Variants in P2RX7 observed in about 807,000 individuals in gnomAD.
P2RX7 encodes the protein purinergic receptor P2X 7, also known as P2X purinoceptor 7.
P2RX7 carries 62 observed loss-of-function variants against 71.6 expected under a neutral mutation model. That is an observed-to-expected ratio of 0.87 (90% CI 0.71 to 1.07). The LOEUF (loss-of-function observed/expected upper bound fraction) is 1.07, where lower values mean the gene tolerates loss of function less well. Among genes scored for constraint, P2RX7 ranks in the 50% least tolerant of loss-of-function variants. The pLI is 0.00. For missense variants in P2RX7, 686 were observed against 748.5 expected, an observed-to-expected ratio of 0.92 and a Z score of 0.97; for synonymous variants, 299 against 283.3, an observed-to-expected ratio of 1.06 and a Z score of -0.56.
At chr12:121,161,152 C>T (rs1368161806) in intron 4 of P2RX7, among the ~76,000 whole-genome samples, 178 bp downstream of exon 4, 1 of 152,200 alleles carries the variant, frequency 6.6e-6, no homozygotes, top group South Asian at 2.1e-4. Flanking sequence ...CAGCTGCTGA[C>T]TGTAAACATG....
intron 1 of P2RX7, 117 bp downstream of exon 1, chr12:121,133,212 GCT>G: frequency 8.5e-7 from 1 of 1,173,352 alleles, no homozygotes. Flanking sequence ...TCTGAGACGT[GCT>G]CTCACAGCCA....
intron 4 of P2RX7, 67 bp from the exon 5 acceptor site, chr12:121,162,357 C>T (rs1879899620): frequency 2.5e-6 from 4 of 1,593,944 alleles, no homozygotes; most frequent in Admixed American, 1.7e-5. Flanking sequence ...AATGATGTCC[C>T]TCCTGGAGAA....
chr12:121,161,447 G>A (rs1879683413), intron 4 of P2RX7, among the ~76,000 whole-genome samples: 1 of 151,960 alleles, frequency 6.6e-6, no homozygotes, highest in Non-Finnish European at 1.5e-5. Flanking sequence ...ATATCTAAGT[G>A]CAGTGCTATT....
At chr12:121,136,619 G>A (rs1162790541) in intron 1 of P2RX7, among the ~76,000 whole-genome samples, 3 of 150,978 alleles carry the variant, frequency 2.0e-5, no homozygotes, top group African/African-American at 7.3e-5. Context: ...ACTTTGTCTG[G>A]CCTACAATTC....
In P2RX7 at chr12:121,165,305, C is replaced by A. The variant is rs1880772124; in HGVS notation, c.534-52C>A. On this transcript the variant is annotated intron_variant, in intron 5 of 12. Transcript: ENST00000328963. ...GCCTCTGGTCCCACTGGCCCATGGG[C>A]TCCCTCGGTTCCCCCCGTCACTAAT... 39 of 1,436,708 alleles carry A rather than the reference C, an allele frequency of 2.7e-5. 1 individual carries two copies. The South Asian group carries it at 3.8e-4, about 14-fold the overall frequency. The allele number at this position is 1,436,708 out of a possible 1,614,324, so 89.0% of individuals were successfully genotyped here. A position where few individuals can be genotyped will look rare whatever the true frequency, so the allele number is the denominator to read the frequency against.
chr12:121,166,239 G>A (rs1880993812), intron 7 of P2RX7, 52 bp downstream of exon 7: 1 of 1,584,662 alleles, frequency 6.3e-7, no homozygotes, highest in Non-Finnish European at 8.6e-7. Flanking sequence ...TAGGGATGGA[G>A]GATGTCAAAC....
intron 1 of P2RX7, among the ~76,000 whole-genome samples, chr12:121,137,898 C>T (rs1384950138): frequency 6.6e-6 from 1 of 152,172 alleles, no homozygotes; most frequent in Non-Finnish European, 1.5e-5. Context: ...GGAGACAGGG[C>T]CTCGGTTATT....
At chr12:121,161,589 C>T (rs938711228) in intron 4 of P2RX7, among the ~76,000 whole-genome samples, 6 of 151,404 alleles carry the variant, frequency 4.0e-5, no homozygotes, top group African/African-American at 9.7e-5. Context: ...GTCAGGGGTT[C>T]GAGAACAGCC....
chr12:121,141,171 T>C (rs890079739), intron 1 of P2RX7, among the ~76,000 whole-genome samples: 1 of 152,202 alleles, frequency 6.6e-6, no homozygotes, highest in Non-Finnish European at 1.5e-5. Flanking sequence ...CTTTTTTTCA[T>C]GTCTAACACC....
chr12:121,137,623 G>C (rs1006590432), intron 1 of P2RX7, among the ~76,000 whole-genome samples: 1 of 152,208 alleles, frequency 6.6e-6, no homozygotes. Context: ...TGGCCAAATG[G>C]AGTCTCACAG....
chr12:121,172,496 A>T, intron 8 of P2RX7, among the ~76,000 whole-genome samples: 1 of 152,084 alleles, frequency 6.6e-6, no homozygotes, highest in East Asian at 1.9e-4. Flanking sequence ...GTCGGGTGTA[A>T]TGGTTTGCAC....
chr12:121,155,231 C>G, intron 2 of P2RX7: 1 of 1,389,504 alleles, frequency 7.2e-7, no homozygotes. Flanking sequence ...TTGATTTACC[C>G]GCAGCTTTTT....
chr12:121,132,902 G>A lies in P2RX7; in HGVS notation c.-69G>A, dbSNP rs1872719360. 6.3e-7 allele frequency: 1 copy of A among 1,589,764 alleles called. No homozygotes were observed. Among genetic ancestry groups the A allele is most frequent in the East Asian group, 2.2e-5 (1 of 44,730 alleles). On this transcript the variant is annotated 5_prime_UTR_variant, in exon 1 of 13. Transcript: ENST00000328963. ...TTCATTTTGCAGTTACTGGGAGGGG[G>A]CTTGCTGTGGCCCTGTCAGGAAGAG...
Position 121,184,345 on chromosome 12 carries a change from T to C in P2RX7, c.1331T>C (p.Leu444Pro). 1 of 1,613,666 alleles carries C rather than the reference T, an allele frequency of 6.2e-7. No homozygotes were observed. Among genetic ancestry groups the C allele is most frequent in the Non-Finnish European group, 8.5e-7 (1 of 1,179,780 alleles). Reference protein sequence around the residue: ...MDFTDLSRLPLALHDTPPIPG... With the variant: ...MDFTDLSRLPPALHDTPPIPG... ...TTCACAGATTTGTCCAGGCTGCCCC[T>C]GGCCCTCCATGACACACCCCCGATT... Residue 444 changes from leucine (L) to proline (P), a missense_variant, in exon 13 of 13, where the codon CTG (leucine) becomes CCG (proline). Physicochemically the swap from Leu to Pro is moderately conservative, Grantham distance 98 (BLOSUM62 -3). Transcript: ENST00000328963.
At position 121,175,448 on chromosome 12, in the gene P2RX7, G is replaced by T; in HGVS notation, c.942G>T (p.Gly314=). 6.4e-7 allele frequency: 1 copy of T among 1,568,328 alleles called. No homozygotes were observed. Among genetic ancestry groups the T allele is most frequent in the Non-Finnish European group, 8.8e-7 (1 of 1,138,258 alleles). ...AACGGACTCTGATAAAAGTCTTCGGGATCCGTTTTGACATCCTGGTTTTTG... is the reference window on the plus strand; with the variant it reads ...AACGGACTCTGATAAAAGTCTTCGGTATCCGTTTTGACATCCTGGTTTTTG... ...VEKRTLIKVF[G]IRFDILVFGT... The change falls in exon 9 of 13, where the codon GGG becomes GGT. Residue 314 remains glycine, a synonymous_variant. Coordinates refer to ENST00000328963, the MANE Select transcript of P2RX7 (RefSeq NM_002562.6).
rs766504970 is a variant in P2RX7 at position 121,175,496 on chromosome 12, G to C, written c.972+18G>C. On this transcript the variant is annotated intron_variant, in intron 9 of 12. Transcript: ENST00000328963. ...TTGGCACCGTAAGTCTCGTTTCCCA[G>C]CTCCGGGCACCGGCATCCTATGACT... The C allele has an allele frequency of 1.9e-6, 2 of 1,059,400 alleles. No individual in the cohort carries two copies. Among genetic ancestry groups the C allele is most frequent in the South Asian group, 2.5e-5 (2 of 79,882 alleles). 65.6% of individuals were successfully genotyped at this position (1,059,400 alleles called of 1,614,324 possible). A position where few individuals can be genotyped will look rare whatever the true frequency, so the allele number is the denominator to read the frequency against.
intron 1 of P2RX7, among the ~76,000 whole-genome samples, chr12:121,142,766 A>G (rs890731908): frequency 2.6e-5 from 4 of 152,136 alleles, no homozygotes; most frequent in Non-Finnish European, 5.9e-5. Flanking sequence ...GCCCACCTGG[A>G]TGACACAGGG....
chr12:121,168,944 T>A (rs1028445886), intron 8 of P2RX7, among the ~76,000 whole-genome samples: 8 of 152,154 alleles, frequency 5.3e-5, no homozygotes, highest in South Asian at 2.1e-4. Flanking sequence ...TTTTTATTTT[T>A]AAAAATATCT....
At chr12:121,172,151 G>A (rs567585888) in intron 8 of P2RX7, among the ~76,000 whole-genome samples, 270 of 151,974 alleles carry the variant, frequency 1.8e-3, no homozygotes, top group Non-Finnish European at 3.2e-3. Flanking sequence ...GTGAGCCACT[G>A]CGCCCAGCCA....
Sources: gnomAD v4.1 joint callset for allele counts (sites outside exome capture counted in the v4.1 genomes callset) on GRCh38, gnomAD v4.1.1 for gene constraint, MANE v1.5 for transcripts, NCBI Gene and HGNC (gene_info 2026-07-23, HGNC 2026-07-21) for gene names.